The following SGK1 variants were observed in gnomAD, a reference collection of about 807,000 sequenced individuals.
The protein encoded by SGK1 is serum/glucocorticoid regulated kinase 1.
SGK1 carries 26 observed loss-of-function variants against 64.2 expected under a neutral mutation model. That is an observed-to-expected ratio of 0.40 (90% CI 0.30 to 0.56). The LOEUF is 0.56. Among genes scored for constraint, SGK1 ranks in the 20% least tolerant of loss-of-function variants. The pLI, the probability that SGK1 is intolerant of heterozygous loss-of-function variation, is 0.38. For synonymous variants in SGK1, 265 were observed against 239.7 expected (o/e 1.11, Z -0.98); for missense variants, 519 against 645.6 (o/e 0.80, Z 2.12).
intron 1 of SGK1, among the ~76,000 whole-genome samples, chr6:134,274,767 T>C (rs964316954): frequency 9.2e-5 from 14 of 151,858 alleles, no homozygotes; most frequent in Non-Finnish European, 1.8e-4. Flanking sequence ...AGCCATTCCT[T>C]AAATGGTATT....
chr6:134,179,095 T>A (rs953503139), intron 3 of SGK1, among the ~76,000 whole-genome samples: 8 of 152,206 alleles, frequency 5.3e-5, no homozygotes, highest in African/African-American at 1.9e-4. Flanking sequence ...AAAAGGCTTA[T>A]AAATTATTGA....
chr6:134,211,224 A>G (rs974230576), intron 2 of SGK1, among the ~76,000 whole-genome samples: 6 of 152,208 alleles, frequency 3.9e-5, no homozygotes, highest in Non-Finnish European at 8.8e-5. Flanking sequence ...TTGTCAGTAT[A>G]TCAGAAAGGA....
chr6:134,243,971 T>G (rs771746573), intron 2 of SGK1, among the ~76,000 whole-genome samples: 2 of 152,098 alleles, frequency 1.3e-5, no homozygotes, highest in Non-Finnish European at 2.9e-5. Flanking sequence ...ATTCATTTAT[T>G]TATTTTATTT....
At chr6:134,299,838 C>T (rs1231036975) in intron 1 of SGK1, among the ~76,000 whole-genome samples, 4 of 143,832 alleles carry the variant, frequency 2.8e-5, no homozygotes, top group East Asian at 2.0e-4. Flanking sequence ...TTGGAGGAGT[C>T]GGATAATGAA....
At chr6:134,283,987 G>A (rs1777140844) in intron 1 of SGK1, among the ~76,000 whole-genome samples, 1 of 148,628 alleles carries the variant, frequency 6.7e-6, no homozygotes, top group African/African-American at 2.5e-5. Context: ...CTTCCTTATA[G>A]CTCTTTATCT....
At chr6:134,315,595 CTT>C (rs1777670713) in intron 1 of SGK1, among the ~76,000 whole-genome samples, 1 of 152,180 alleles carries the variant, frequency 6.6e-6, no homozygotes, top group African/African-American at 2.4e-5. Context: ...ATTTATGTAA[CTT>C]AAATCTACAT....
chr6:134,316,447 C>T (rs982745674), intron 1 of SGK1, among the ~76,000 whole-genome samples: 13 of 152,098 alleles, frequency 8.5e-5, no homozygotes, highest in African/African-American at 3.1e-4. Flanking sequence ...CCTTCTCTTA[C>T]GTTGCTTAGG....
At chr6:134,230,610 C>T (rs1776262909) in intron 2 of SGK1, 1 of 152,224 alleles carries the variant, frequency 6.6e-6, no homozygotes, top group African/African-American at 2.4e-5. Context: ...TTACCTCCAC[C>T]TGGTCTCTCC....
At position 134,263,068 on chromosome 6, in the gene SGK1, T is replaced by A. The variant is rs371296842; in HGVS notation, c.70-920A>T. 5.3e-5 allele frequency among the ~76,000 whole-genome samples: 8 copies of A among 152,230 alleles called. No homozygotes were observed. In the East Asian group the frequency reaches 7.7e-4, roughly 15 times the overall value. On this transcript the variant is annotated intron_variant, in intron 1 of 13. Transcript: ENST00000367858. ...GTTCAAGTACTTTGCCTGGCACATG[T>A]TTGGTGCCCAATAGATAGTGACTAT... is the stretch of plus-strand genomic sequence containing the variant.
intron 3 of SGK1, chr6:134,175,416 C>T (rs1671066473): frequency 7.7e-7 from 1 of 1,303,824 alleles, no homozygotes; most frequent in Non-Finnish European, 9.8e-7. Context: ...GCGACCTCGC[C>T]CGCCAGGTCC....
intron 2 of SGK1, among the ~76,000 whole-genome samples, chr6:134,226,294 C>G (rs1024989386): frequency 5.9e-5 from 9 of 152,088 alleles, no homozygotes; most frequent in African/African-American, 1.4e-4. Flanking sequence ...ATCTGGAAAA[C>G]AGTCAAAAGT....
At chr6:134,242,356 C>T (rs764606314) in intron 2 of SGK1, among the ~76,000 whole-genome samples, 3 of 152,008 alleles carry the variant, frequency 2.0e-5, no homozygotes, top group Non-Finnish European at 4.4e-5. Flanking sequence ...TGTGGTGGCA[C>T]GTGCCTGTAA....
In SGK1 at chr6:134,229,193, A is replaced by G. The variant is rs1204683495; in HGVS notation, c.286-21762T>C. Among the ~76,000 whole-genome samples the G allele has an allele frequency of 3.3e-5, 5 of 152,240 alleles. No homozygotes were observed. The East Asian group carries it at 9.6e-4, about 29-fold the overall frequency. ...CTGCAGAAGAGAGATACTAGGGAGG[A>G]GATTTACAGCAAGGCTTTGTCGCAC... On this transcript the variant is annotated intron_variant, in intron 2 of 13. Transcript: ENST00000367858.
intron 3 of SGK1, among the ~76,000 whole-genome samples, chr6:134,196,392 C>T (rs1393396484): frequency 1.3e-5 from 2 of 151,792 alleles, no homozygotes; most frequent in Admixed American, 6.6e-5. Flanking sequence ...CCCAGGAGTT[C>T]AAGTCCAGCC....
chr6:134,243,692 A>T (rs545348870), intron 2 of SGK1, among the ~76,000 whole-genome samples: 162 of 152,232 alleles, frequency 1.1e-3, no homozygotes, highest in African/African-American at 3.7e-3. Context: ...TTAAAGTATT[A>T]TCCTTGATGA....
At chr6:134,307,918 A>G (rs1357437407) in intron 1 of SGK1, among the ~76,000 whole-genome samples, 2 of 152,178 alleles carry the variant, frequency 1.3e-5, no homozygotes, top group Non-Finnish European at 2.9e-5. Context: ...CATCAAGCAT[A>G]TATTATTGAG....
At chr6:134,206,178 C>A (rs1038514489) in intron 3 of SGK1, among the ~76,000 whole-genome samples, 4 of 151,436 alleles carry the variant, frequency 2.6e-5, no homozygotes, top group African/African-American at 7.3e-5. Flanking sequence ...ATGATTCACC[C>A]TAGGTTTTCA....
At chr6:134,276,232 G>A (rs1295489659) in intron 1 of SGK1, among the ~76,000 whole-genome samples, 3 of 152,132 alleles carry the variant, frequency 2.0e-5, no homozygotes, top group Admixed American at 6.6e-5. Context: ...CAAGGCACAG[G>A]GAATGACAAA....
At chr6:134,181,149 A>T (rs905584390) in intron 3 of SGK1, among the ~76,000 whole-genome samples, 1 of 152,100 alleles carries the variant, frequency 6.6e-6, no homozygotes, top group Non-Finnish European at 1.5e-5. Context: ...TAAGACACAC[A>T]TATTAAAGGT....
Sources: allele counts gnomAD v4.1 joint callset (sites outside exome capture counted in the v4.1 genomes callset), GRCh38; gene constraint gnomAD v4.1.1; transcripts MANE v1.5; gene names NCBI Gene and HGNC (gene_info 2026-07-23, HGNC 2026-07-21).